TRIM44: variants seen among roughly 807,000 people sequenced by gnomAD.
TRIM44 encodes tripartite motif containing 44, also known as tripartite motif-containing protein 44.
In TRIM44, 13 loss-of-function variants were observed where a neutral mutation model predicts 37.4. That is an observed-to-expected ratio of 0.35 (90% CI 0.23 to 0.55). The LOEUF (loss-of-function observed/expected upper bound fraction) is 0.55. Ranked by LOEUF, TRIM44 falls within the 20% of genes least tolerant of loss-of-function variation. TRIM44 has a pLI of 0.89. For missense variants in TRIM44, 426 were observed against 437.2 expected, an observed-to-expected ratio of 0.97 and a Z score of 0.23; for synonymous variants, 175 against 157.2, an observed-to-expected ratio of 1.11 and a Z score of -0.85.
intron 1 of TRIM44, among the ~76,000 whole-genome samples, chr11:35,665,178 A>T (rs1358184842): frequency 6.6e-6 from 1 of 151,868 alleles, no homozygotes; most frequent in Non-Finnish European, 1.5e-5. Flanking sequence ...TGTTACAAAC[A>T]ATGTCAGTGT....
At chr11:35,684,144 T>C (rs778096194) in intron 1 of TRIM44, among the ~76,000 whole-genome samples, 1 of 152,134 alleles carries the variant, frequency 6.6e-6, no homozygotes, top group African/African-American at 2.4e-5. Flanking sequence ...GTGCTCTAAA[T>C]CTGTACTGAC....
At chr11:35,707,150 A>G (rs577484590) in intron 2 of TRIM44, among the ~76,000 whole-genome samples, 1 of 152,258 alleles carries the variant, frequency 6.6e-6, no homozygotes, top group East Asian at 1.9e-4. Context: ...TCATGAGTGA[A>G]CTCCCATTCA....
In TRIM44 at chr11:35,662,911, C is replaced by G. The variant is rs556625733; in HGVS notation, c.-201C>G. ...AGCGCAGGGACAGAGCGGAGCAGGC[C>G]GAGCCGGCGGAAAGGGTCTTTGCTG... On this transcript the variant is annotated 5_prime_UTR_variant, in exon 1 of 5. Transcript: ENST00000299413. 7.5e-5 allele frequency: 66 copies of G among 878,214 alleles called. 1 individual carries two copies. In the South Asian group the frequency reaches 2.1e-3, roughly 28 times the overall value. 54.4% of individuals were successfully genotyped at this position (878,214 alleles called of 1,614,324 possible).
chr11:35,712,847 A>C (rs559579344), intron 2 of TRIM44, among the ~76,000 whole-genome samples: 3 of 152,234 alleles, frequency 2.0e-5, no homozygotes, highest in Non-Finnish European at 1.5e-5. Flanking sequence ...ATAAAACTTT[A>C]TTGTGATAAT....
At chr11:35,693,951 C>T (rs1851666415) in intron 2 of TRIM44, among the ~76,000 whole-genome samples, 1 of 152,104 alleles carries the variant, frequency 6.6e-6, no homozygotes, top group African/African-American at 2.4e-5. Flanking sequence ...GAGTATGCTC[C>T]TTACCCAGGG....
At chr11:35,714,841 A>C (rs1852018874) in intron 2 of TRIM44, among the ~76,000 whole-genome samples, 1 of 152,176 alleles carries the variant, frequency 6.6e-6, no homozygotes, top group South Asian at 2.1e-4. Flanking sequence ...TGCATAGGCT[A>C]AGGTGTTAAG....
chr11:35,769,393 G>A (rs985814052), intron 4 of TRIM44, among the ~76,000 whole-genome samples: 3 of 152,156 alleles, frequency 2.0e-5, no homozygotes, highest in Non-Finnish European at 1.5e-5. Context: ...ATTGTTTTGG[G>A]GGCTGGAAAT....
At chr11:35,718,809 A>C (rs1486132240) in intron 2 of TRIM44, among the ~76,000 whole-genome samples, 1 of 151,772 alleles carries the variant, frequency 6.6e-6, no homozygotes, top group African/African-American at 2.4e-5. Context: ...GTTGATTCCA[A>C]GCCTTTTAGA....
At chr11:35,690,015 A>T (rs140232055) in intron 2 of TRIM44, among the ~76,000 whole-genome samples, 21 of 152,258 alleles carry the variant, frequency 1.4e-4, no homozygotes, top group African/African-American at 4.6e-4. Context: ...ATTCATACTA[A>T]TCTTATATTC....
intron 4 of TRIM44, among the ~76,000 whole-genome samples, chr11:35,792,286 G>A (rs980051412): frequency 1.3e-5 from 2 of 152,248 alleles, no homozygotes; most frequent in African/African-American, 4.8e-5. Flanking sequence ...TATACTGTGG[G>A]TACTCAATAA....
At chr11:35,734,589 G>T (rs1852306757) in intron 3 of TRIM44, among the ~76,000 whole-genome samples, 1 of 152,156 alleles carries the variant, frequency 6.6e-6, no homozygotes, top group African/African-American at 2.4e-5. Flanking sequence ...GGATATAAAA[G>T]ATACGCTGAC....
chr11:35,664,321 A>G (rs1851309683), intron 1 of TRIM44, among the ~76,000 whole-genome samples: 1 of 152,228 alleles, frequency 6.6e-6, no homozygotes, highest in Admixed American at 6.5e-5. Flanking sequence ...GGGTAAGAAG[A>G]TGGAGGCCAA....
intron 2 of TRIM44, among the ~76,000 whole-genome samples, chr11:35,709,300 A>G (rs2135506802): frequency 6.6e-6 from 1 of 152,322 alleles, no homozygotes; most frequent in East Asian, 1.9e-4. Context: ...GAAGGAACTC[A>G]GGTTTTCAGA....
At position 35,663,050 on chromosome 11, in the gene TRIM44, C is replaced by G. The variant is rs527973348; in HGVS notation, c.-62C>G. On this transcript the variant is annotated 5_prime_UTR_variant, in exon 1 of 5. Transcript: ENST00000299413. Reference sequence around the variant, plus strand: ...CCGGGGCGGGAGGAGGAAGTGAGGCCGCGCGGAAGGAAGGCGGCGAGCCCC... The same window carrying G: ...CCGGGGCGGGAGGAGGAAGTGAGGCGGCGCGGAAGGAAGGCGGCGAGCCCC... 8 of 1,454,714 alleles carry G rather than the reference C, an allele frequency of 5.5e-6. No homozygotes were observed. In the African/African-American group the frequency reaches 1.1e-4, roughly 21 times the overall value. 90.1% of individuals were successfully genotyped at this position (1,454,714 alleles called of 1,614,324 possible). A position where few individuals can be genotyped will look rare whatever the true frequency, so the allele number is the denominator to read the frequency against.
intron 2 of TRIM44, among the ~76,000 whole-genome samples, chr11:35,697,770 A>C (rs1851724735): frequency 6.6e-6 from 1 of 151,842 alleles, no homozygotes; most frequent in Non-Finnish European, 1.5e-5. Context: ...ATGTCCCTAC[A>C]AAGGACATGA....
chr11:35,764,239 C>G (rs977869409), intron 4 of TRIM44, among the ~76,000 whole-genome samples: 2 of 152,174 alleles, frequency 1.3e-5, no homozygotes, highest in Admixed American at 1.3e-4. Flanking sequence ...ACAACATGGT[C>G]TTATCCTTTT....
chr11:35,672,818 C>A (rs998407414), intron 1 of TRIM44, among the ~76,000 whole-genome samples: 6 of 152,084 alleles, frequency 3.9e-5, no homozygotes, highest in Admixed American at 2.0e-4. Context: ...ACTTTTTATT[C>A]TTGCTGAAGA....
At chr11:35,708,233 C>T (rs1450708459) in intron 2 of TRIM44, among the ~76,000 whole-genome samples, 2 of 152,284 alleles carry the variant, frequency 1.3e-5, no homozygotes, top group African/African-American at 4.8e-5. Flanking sequence ...GTTAGAATGG[C>T]GATCATTTAA....
At chr11:35,679,145 A>G (rs1299941207) in intron 1 of TRIM44, among the ~76,000 whole-genome samples, 1 of 152,072 alleles carries the variant, frequency 6.6e-6, no homozygotes, top group Admixed American at 6.5e-5. Flanking sequence ...AGTTTAGGAT[A>G]TTTATGTGGC....
Sources: gnomAD v4.1 joint callset for allele counts (sites outside exome capture counted in the v4.1 genomes callset) on GRCh38, gnomAD v4.1.1 for gene constraint, MANE v1.5 for transcripts, NCBI Gene and HGNC (gene_info 2026-07-23, HGNC 2026-07-21) for gene names.